The following TBCD variants were observed in gnomAD, a reference collection of about 807,000 sequenced individuals.
TBCD encodes tubulin-specific chaperone D.
A neutral mutation model predicts 169.3 loss-of-function variants in TBCD; 105 were observed. The observed-to-expected ratio is 0.62, with a 90% CI of 0.53 to 0.73. The LOEUF (loss-of-function observed/expected upper bound fraction) is 0.73, where lower values mean the gene tolerates loss of function less well. Among genes scored for constraint, TBCD ranks in the 30% least tolerant of loss-of-function variants. The pLI, the probability that TBCD is intolerant of heterozygous loss-of-function variation, is 0.00. For missense variants in TBCD, 1,444 were observed against 1,600.1 expected, an observed-to-expected ratio of 0.90 and a Z score of 1.66; for synonymous variants, 700 against 643.9, an observed-to-expected ratio of 1.09 and a Z score of -1.32.
intron 34 of TBCD, among the ~76,000 whole-genome samples, chr17:82,933,976 C>G (rs1014349691): frequency 1.6e-4 from 24 of 152,228 alleles, no homozygotes; most frequent in African/African-American, 4.8e-4. Flanking sequence ...GTTTTCTGCC[C>G]CTTTAAGGTC....
intron 13 of TBCD, among the ~76,000 whole-genome samples, chr17:82,850,450 T>TG (rs2055680586): frequency 2.4e-4 from 27 of 114,842 alleles, no homozygotes; most frequent in African/African-American, 5.7e-4. Context: ...CTGTGCTGTT[T>TG]TGCTGTTGGC....
chr17:82,864,016 G>A lies in TBCD; in HGVS notation c.1319-6208G>A, dbSNP rs914740821. 6.6e-6 allele frequency among the ~76,000 whole-genome samples: 1 copy of A among 152,210 alleles called. No homozygotes were observed. Among genetic ancestry groups the A allele is most frequent in the Non-Finnish European group, 1.5e-5 (1 of 68,034 alleles). On this transcript the variant is annotated intron_variant, in intron 13 of 38. Coordinates refer to ENST00000355528, the MANE Select transcript of TBCD (RefSeq NM_005993.5). The surrounding 1 kb of genome is among the most constrained non-coding windows in gnomAD (Gnocchi z 6.3). ...CTAAATGCAAAATCATCTTCACTGG[G>A]TGCAGCATTTACAGTTTTGGTGCTG...
At chr17:82,805,228 T>C (rs1568162417) in intron 9 of TBCD, among the ~76,000 whole-genome samples, 1 of 151,980 alleles carries the variant, frequency 6.6e-6, no homozygotes, top group Non-Finnish European at 1.5e-5. Flanking sequence ...GAGGGGGAAG[T>C]GGGGGCATGG....
intron 7 of TBCD, chr17:82,795,694 T>C: frequency 1.3e-6 from 1 of 798,184 alleles, no homozygotes; most frequent in African/African-American, 1.9e-5. Flanking sequence ...CTTGCGTGGA[T>C]CGATTCTGTG....
intron 34 of TBCD, among the ~76,000 whole-genome samples, chr17:82,934,848 C>T (rs2062484373): frequency 6.6e-6 from 1 of 152,102 alleles, no homozygotes; most frequent in Non-Finnish European, 1.5e-5. Context: ...CCTGTAATCC[C>T]AGCACTTTGG....
At chr17:82,867,478 G>A (rs1464303183) in intron 13 of TBCD, among the ~76,000 whole-genome samples, 4 of 152,204 alleles carry the variant, frequency 2.6e-5, no homozygotes, top group African/African-American at 9.7e-5. Flanking sequence ...TTTGGGCAGC[G>A]CTTTCCTCTT....
At chr17:82,781,177 C>T (rs931892117) in intron 6 of TBCD, among the ~76,000 whole-genome samples, 1 of 151,738 alleles carries the variant, frequency 6.6e-6, no homozygotes, top group Non-Finnish European at 1.5e-5. Flanking sequence ...CTGCCGGGGC[C>T]AGGCCTTGCA....
At chr17:82,838,106 G>C (rs967734175) in intron 13 of TBCD, among the ~76,000 whole-genome samples, 3 of 152,232 alleles carry the variant, frequency 2.0e-5, no homozygotes, top group Non-Finnish European at 2.9e-5. Context: ...ACGTGCACTG[G>C]GCCGGGTGTT....
At chr17:82,813,724 G>A (rs1170699318) in intron 12 of TBCD, among the ~76,000 whole-genome samples, 2 of 152,228 alleles carry the variant, frequency 1.3e-5, no homozygotes, top group African/African-American at 2.4e-5. Flanking sequence ...CCTAAAGGAC[G>A]CAAGTGCTGA....
intron 13 of TBCD, among the ~76,000 whole-genome samples, chr17:82,836,714 CCAAAAAA>C (rs1555609525): frequency 1.3e-5 from 2 of 151,072 alleles, no homozygotes; most frequent in Non-Finnish European, 3.0e-5. Flanking sequence ...CAAAACAAAA[CCAAAAAA>C]CAAAAAAACA....
rs546073956 is a variant in TBCD at position 82,801,080 on chromosome 17, G to A, written c.950+84G>A. ...GGGGGCAGGCGCCATTGATGAGGGC[G>A]GGGCAGGTGCTGTTGGGGCAGGTGC... On this transcript the variant is annotated intron_variant, in intron 9 of 38. Transcript: ENST00000355528. 1,313 of 1,414,104 alleles carry A rather than the reference G, an allele frequency of 9.3e-4. 2 individuals carry two copies. Among genetic ancestry groups the A allele is most frequent in the Non-Finnish European group, 1.1e-3 (1,191 of 1,059,258 alleles). The allele number at this position is 1,414,104 out of a possible 1,614,324, so 87.6% of individuals were successfully genotyped here.
At chr17:82,790,762 G>T (rs1002351760) in intron 7 of TBCD, among the ~76,000 whole-genome samples, 12 of 151,858 alleles carry the variant, frequency 7.9e-5, no homozygotes, top group Admixed American at 6.6e-5. Context: ...TCTTCCACAT[G>T]GTGTCCACAG....
At chr17:82,865,200 G>C (rs753078532) in intron 13 of TBCD, among the ~76,000 whole-genome samples, 51 of 150,710 alleles carry the variant, frequency 3.4e-4, no homozygotes, top group Middle Eastern at 3.4e-3. Flanking sequence ...CTGCATTTTT[G>C]GGACAGGAGC....
At chr17:82,830,235 C>G (rs267605100) in intron 13 of TBCD, 1 of 1,614,210 alleles carries the variant, frequency 6.2e-7, no homozygotes, top group Non-Finnish European at 8.5e-7. Flanking sequence ...TTCCAGCATC[C>G]CTTAGACTTG....
At chr17:82,799,715 G>A (rs994909939) in intron 8 of TBCD, among the ~76,000 whole-genome samples, 3 of 152,122 alleles carry the variant, frequency 2.0e-5, no homozygotes, top group Non-Finnish European at 4.4e-5. Flanking sequence ...CACCACACCC[G>A]AGAACGCGAG....
At chr17:82,909,225 A>T in intron 21 of TBCD, 60 bp from the exon 22 acceptor site, 5 of 1,277,174 alleles carry the variant, frequency 3.9e-6, no homozygotes, top group Non-Finnish European at 5.5e-6. Flanking sequence ...ACAGTTGTTA[A>T]CGTATACGTA....
chr17:82,919,219 C>T (rs529044515), intron 23 of TBCD, among the ~76,000 whole-genome samples: 25 of 152,244 alleles, frequency 1.6e-4, no homozygotes, highest in Admixed American at 1.0e-3. Flanking sequence ...CCCAGCAGCC[C>T]CTCGCTGGGT....
intron 13 of TBCD, among the ~76,000 whole-genome samples, chr17:82,846,579 A>G (rs1437982299): frequency 6.6e-6 from 1 of 152,138 alleles, no homozygotes; most frequent in Admixed American, 6.5e-5. Context: ...ACTGTCCTAG[A>G]TTTCGGAGAT....
chr17:82,942,575 CGCTGGCCCTTGGAG>C lies in TBCD; in HGVS notation c.*119_*132del. The stretch of plus-strand genomic sequence containing the variant: ...GGTGCCTCCAGCTGTTGAAGGGTAG[CGCTGGCCCTTGGAG>C]GCTGGCACTAGCTGACAGCTTTTCC... On this transcript the variant is annotated 3_prime_UTR_variant, in exon 39 of 39. Transcript: ENST00000355528. 1 of 1,480,406 alleles carries C rather than the reference CGCTGGCCCTTGGAG, an allele frequency of 6.8e-7. No homozygotes were observed. The highest frequency in any genetic ancestry group is 2.3e-5 in the East Asian group (1 of 43,378). The allele number at this position is 1,480,406 out of a possible 1,614,324, so 91.7% of individuals were successfully genotyped here.
Sources: allele counts gnomAD v4.1 joint callset (sites outside exome capture counted in the v4.1 genomes callset), GRCh38; gene constraint gnomAD v4.1.1; non-coding constraint Gnocchi (gnomAD v3.1); transcripts MANE v1.5; gene names NCBI Gene and HGNC (gene_info 2026-07-23, HGNC 2026-07-21).